ADAMTS12: variants seen among roughly 807,000 people sequenced by gnomAD.
The protein encoded by ADAMTS12 is ADAM metallopeptidase with thrombospondin type 1 motif 12.
ADAMTS12 carries 118 observed loss-of-function variants against 167.8 expected under a neutral mutation model. The observed-to-expected ratio is 0.70, with a 90% CI of 0.61 to 0.82. The LOEUF is 0.82. Ranked by LOEUF, ADAMTS12 falls within the 40% of genes least tolerant of loss-of-function variation. The probability of loss-of-function intolerance (pLI) is 0.00; values close to 1 mark genes in which losing one functional copy is unlikely to be tolerated. For missense variants in ADAMTS12, 1,916 were observed against 1,998.8 expected, an observed-to-expected ratio of 0.96 and a Z score of 0.79; for synonymous variants, 704 against 716.9, an observed-to-expected ratio of 0.98 and a Z score of 0.29.
chr5:33,744,536 T>TTC (rs547017642), intron 3 of ADAMTS12, among the ~76,000 whole-genome samples: 50 of 152,278 alleles, frequency 3.3e-4, no homozygotes, highest in Admixed American at 2.9e-3. Flanking sequence ...TTGGAAATAT[T>TTC]TCTCTGACTT....
intron 2 of ADAMTS12, among the ~76,000 whole-genome samples, chr5:33,845,730 G>A (rs1748918921): frequency 6.6e-6 from 1 of 152,206 alleles, no homozygotes; most frequent in South Asian, 2.1e-4. Flanking sequence ...GCAGAAATGA[G>A]ACAAATCAGA....
intron 3 of ADAMTS12, among the ~76,000 whole-genome samples, chr5:33,709,491 G>A (rs762790740): frequency 3.3e-5 from 5 of 152,250 alleles, no homozygotes; most frequent in Middle Eastern, 3.4e-3. Context: ...TAAAGAAAAC[G>A]TGGTACATAT....
At chr5:33,696,717 A>T (rs995097328) in intron 3 of ADAMTS12, among the ~76,000 whole-genome samples, 15 of 152,170 alleles carry the variant, frequency 9.9e-5, no homozygotes, top group African/African-American at 3.6e-4. Context: ...TAGAAAAACT[A>T]TGTAAAGGCT....
intron 2 of ADAMTS12, among the ~76,000 whole-genome samples, chr5:33,855,878 C>T (rs1749381503): frequency 6.6e-6 from 1 of 152,136 alleles, no homozygotes; most frequent in African/African-American, 2.4e-5. Flanking sequence ...AGGCAAGCGC[C>T]ACCACACCCA....
intron 1 of ADAMTS12, among the ~76,000 whole-genome samples, chr5:33,884,084 A>G (rs1332632788): frequency 6.6e-6 from 1 of 152,190 alleles, no homozygotes; most frequent in African/African-American, 2.4e-5. Flanking sequence ...TCATCTAGCA[A>G]TGGTGCCCTG....
chr5:33,787,201 C>T (rs556552318), intron 2 of ADAMTS12, among the ~76,000 whole-genome samples: 1 of 152,120 alleles, frequency 6.6e-6, no homozygotes, highest in East Asian at 1.9e-4. Flanking sequence ...TTTGTAGTCA[C>T]CTCCTATTGA....
At chr5:33,760,920 TGC>T (rs1554040722) in intron 2 of ADAMTS12, among the ~76,000 whole-genome samples, 17 of 146,158 alleles carry the variant, frequency 1.2e-4, no homozygotes, top group African/African-American at 4.0e-4. Flanking sequence ...TGTGTGTGTG[TGC>T]GTATGCGCTT....
intron 2 of ADAMTS12, among the ~76,000 whole-genome samples, chr5:33,866,813 T>C (rs752736956): frequency 1.3e-4 from 20 of 151,550 alleles, no homozygotes; most frequent in Non-Finnish European, 2.2e-4. Context: ...CAAAAGAAGA[T>C]AAGTGGCCAA....
At chr5:33,606,109 G>A (rs1046981161) in intron 16 of ADAMTS12, among the ~76,000 whole-genome samples, 2 of 152,114 alleles carry the variant, frequency 1.3e-5, no homozygotes, top group African/African-American at 4.8e-5. Context: ...CACCACGCCT[G>A]GCTAATTTTT....
intron 16 of ADAMTS12, among the ~76,000 whole-genome samples, chr5:33,608,910 C>T (rs749939633): frequency 1.4e-4 from 22 of 152,044 alleles, no homozygotes; most frequent in Admixed American, 4.6e-4. Context: ...TACTAGGATG[C>T]GCGCATATTT....
intron 20 of ADAMTS12, among the ~76,000 whole-genome samples, chr5:33,557,876 G>T (rs186515206): frequency 6.6e-6 from 1 of 152,190 alleles, no homozygotes; most frequent in Admixed American, 6.5e-5. Context: ...ATCAGCAGCA[G>T]CATTAGATTC....
intron 3 of ADAMTS12, among the ~76,000 whole-genome samples, chr5:33,715,590 A>G (rs1182416249): frequency 6.6e-6 from 1 of 152,170 alleles, no homozygotes; most frequent in Non-Finnish European, 1.5e-5. Context: ...CTTCAGACCG[A>G]GCTAATTCTT....
intron 12 of ADAMTS12, among the ~76,000 whole-genome samples, chr5:33,633,691 G>T (rs963274870): frequency 1.3e-5 from 2 of 152,070 alleles, no homozygotes; most frequent in Non-Finnish European, 2.9e-5. Context: ...AAGTTGTCCT[G>T]TGGCACAGGG....
At chr5:33,786,145 C>T (rs748167983) in intron 2 of ADAMTS12, among the ~76,000 whole-genome samples, 3 of 152,226 alleles carry the variant, frequency 2.0e-5, no homozygotes, top group South Asian at 2.1e-4. Context: ...ACAATATTTG[C>T]TTGTGGCTGG....
At chr5:33,568,851 G>A (rs945189709) in intron 19 of ADAMTS12, among the ~76,000 whole-genome samples, 1 of 152,240 alleles carries the variant, frequency 6.6e-6, no homozygotes, top group African/African-American at 2.4e-5. Context: ...CAAGGAAAGG[G>A]GTGACAGATG....
chr5:33,751,584 C>T lies in ADAMTS12; in HGVS notation c.490-36G>A, dbSNP rs991935421. ...ATTCAGTAAGAAAGTTTATTTTAAC[C>T]AATTCTACATACCTACTAAAAACAA... On this transcript the variant is annotated intron_variant, in intron 2 of 23. Transcript: ENST00000504830. 2.5e-6 allele frequency: 4 copies of T among 1,605,156 alleles called. No homozygotes were observed. In the African/African-American group the frequency reaches 5.4e-5, roughly 22 times the overall value.
At chr5:33,614,456 T>G (rs1185298736) in intron 15 of ADAMTS12, 80 bp from the exon 16 acceptor site, 20 of 1,547,930 alleles carry the variant, frequency 1.3e-5, no homozygotes, top group Non-Finnish European at 1.7e-5. Context: ...CCACAAAATG[T>G]CAGTCATCTA....
chr5:33,753,597 GAAAAACTACAA>G (rs1745074379), intron 2 of ADAMTS12, among the ~76,000 whole-genome samples: 1 of 152,120 alleles, frequency 6.6e-6, no homozygotes, highest in East Asian at 1.9e-4. Context: ...CCTTGAAGGA[GAAAAACTACAA>G]AAGACACCAC....
Position 33,524,625 on chromosome 5 carries a change from C to T in ADAMTS12, c.*2563G>A, listed in dbSNP as rs931998103. ...GTCTTCCTGTTGATCTGAGTCCCCT[C>T]TTGTACAGCAAGCACTGGGACATGT... On this transcript the variant is annotated 3_prime_UTR_variant, in exon 24 of 24. Transcript: ENST00000504830. The T allele has an allele frequency of 6.6e-6, 1 of 152,228 alleles. No individual in the cohort carries two copies. The highest frequency in any genetic ancestry group is 1.5e-5 in the Non-Finnish European group (1 of 68,052). The allele number at this position is 152,228 out of a possible 1,614,324, so 9.4% of individuals were successfully genotyped here.
Sources: gnomAD v4.1 joint callset for allele counts (sites outside exome capture counted in the v4.1 genomes callset) on GRCh38, gnomAD v4.1.1 for gene constraint, MANE v1.5 for transcripts, NCBI Gene and HGNC (gene_info 2026-07-23, HGNC 2026-07-21) for gene names.